Variants in SEC16B observed in about 807,000 individuals in gnomAD.
SEC16B encodes SEC16 homolog B, endoplasmic reticulum export factor.
In SEC16B, 115 loss-of-function variants were observed where a neutral mutation model predicts 141.8. The ratio of observed to expected loss-of-function variants is 0.81; its 90% CI spans 0.70 to 0.95. SEC16B has a LOEUF of 0.95. SEC16B is among the 40% of genes least tolerant of loss of function. The probability of loss-of-function intolerance (pLI) is 0.00; values close to 1 mark genes in which losing one functional copy is unlikely to be tolerated. For synonymous variants in SEC16B, 493 were observed against 492.5 expected (o/e 1.00, Z -0.01); for missense variants, 1,291 against 1,312.3 (o/e 0.98, Z 0.25).
At chr1:177,954,072 A>AT (rs1246769948) in intron 11 of SEC16B, among the ~76,000 whole-genome samples, 1 of 152,206 alleles carries the variant, frequency 6.6e-6, no homozygotes, top group African/African-American at 2.4e-5. Flanking sequence ...TTGTACTAAA[A>AT]TTTTTTATCC....
intron 1 of SEC16B, among the ~76,000 whole-genome samples, chr1:177,984,034 A>G (rs944652220): frequency 1.3e-5 from 2 of 152,154 alleles, no homozygotes; most frequent in African/African-American, 2.4e-5. Context: ...GAAGTTCTTC[A>G]TTTTGCTGAA....
At chr1:177,965,752 T>G in intron 3 of SEC16B, 141 bp downstream of exon 3, 1 of 574,792 alleles carries the variant, frequency 1.7e-6, no homozygotes, top group Non-Finnish European at 3.1e-6. Flanking sequence ...CTAGGAGGAG[T>G]GTTTCTGCTA....
In SEC16B at chr1:177,960,817, C is replaced by T; in HGVS notation, c.910G>A (p.Ala304Thr). ...GPSSPTDGQA[A>T]LVELHSMEVI... The stretch of plus-strand genomic sequence containing the variant: ...TCCATGCTGTGCAGTTCAACAAGGG[C>T]TGCTTGCCCGTCAGTGGGAGAGCTG... Residue 304 changes from alanine to threonine, a missense_variant, in exon 7 of 26, where the codon GCC (alanine) becomes ACC (threonine). This residue lies in a region of SEC16B where 681 missense variants were observed against 675.5 expected (regional missense o/e 1.01). Coordinates refer to ENST00000308284, the MANE Select transcript of SEC16B (RefSeq NM_033127.4). The T allele has an allele frequency of 5.0e-6, 8 of 1,613,138 alleles. No homozygotes were observed. Among genetic ancestry groups the T allele is most frequent in the Non-Finnish European group, 6.8e-6 (8 of 1,179,508 alleles).
At chr1:177,958,543 T>C (rs1430673841) in intron 9 of SEC16B, 181 bp from the exon 10 acceptor site, 1 of 603,952 alleles carries the variant, frequency 1.7e-6, no homozygotes, top group Non-Finnish European at 2.8e-6. Flanking sequence ...TCATGGTTAT[T>C]TTCTGCCTGT....
At chr1:177,971,496 G>A (rs1334541029), upstream of SEC16B, 3 of 152,182 alleles carry the variant, frequency 2.0e-5, no homozygotes, top group Admixed American at 2.0e-4. Flanking sequence ...ATTAACAGCA[G>A]GAATCAGAAT....
intron 10 of SEC16B, among the ~76,000 whole-genome samples, chr1:177,957,007 G>GT: frequency 6.6e-6 from 1 of 152,110 alleles, no homozygotes; most frequent in African/African-American, 2.4e-5. Flanking sequence ...TGTAAACATT[G>GT]TAAGTCATGG....
chr1:177,932,190 G>C (rs1244207577), intron 24 of SEC16B, among the ~76,000 whole-genome samples: 1 of 152,218 alleles, frequency 6.6e-6, no homozygotes, highest in Non-Finnish European at 1.5e-5. Flanking sequence ...TCAGAGGAAA[G>C]GCCATGTGAA....
intron 9 of SEC16B, 133 bp downstream of exon 9, chr1:177,958,707 A>G: frequency 8.4e-7 from 1 of 1,192,510 alleles, no homozygotes; most frequent in South Asian, 1.6e-5. Context: ...CATTTGAGCA[A>G]TTTTTTCCCT....
At chr1:177,941,497 C>A (rs1651268001) in intron 16 of SEC16B, among the ~76,000 whole-genome samples, 1 of 152,154 alleles carries the variant, frequency 6.6e-6, no homozygotes, top group Non-Finnish European at 1.5e-5. Flanking sequence ...TCACATGTGA[C>A]AAAATATTCC....
At chr1:177,980,784 A>T (rs1045085078) in intron 1 of SEC16B, among the ~76,000 whole-genome samples, 7 of 151,542 alleles carry the variant, frequency 4.6e-5, no homozygotes, top group African/African-American at 1.7e-4. Flanking sequence ...AGAAAGAAAG[A>T]AAAGAAAGAA....
chr1:177,977,428 T>A (rs1162967888), intron 1 of SEC16B, among the ~76,000 whole-genome samples: 4 of 152,288 alleles, frequency 2.6e-5, no homozygotes, highest in African/African-American at 9.6e-5. Context: ...TATTGCTGGA[T>A]AAAAAATATC....
At chr1:177,946,297 A>G (rs1334332223) in intron 14 of SEC16B, 123 bp downstream of exon 14, 2 of 783,390 alleles carry the variant, frequency 2.6e-6, no homozygotes, top group Admixed American at 2.0e-5. Context: ...ATCCCAAATA[A>G]GGGAGCCGGC....
upstream of SEC16B, chr1:177,970,084 A>G (rs755664804): frequency 6.6e-6 from 1 of 152,400 alleles, no homozygotes; most frequent in Non-Finnish European, 1.5e-5. Context: ...AGTACAGCCC[A>G]GATACCGCAG....
chr1:177,974,234 T>C (rs569789644), upstream of SEC16B, among the ~76,000 whole-genome samples: 1 of 151,916 alleles, frequency 6.6e-6, no homozygotes, highest in Non-Finnish European at 1.5e-5. Context: ...GACACAGAGG[T>C]GAGTATGGTC....
intron 12 of SEC16B, among the ~76,000 whole-genome samples, chr1:177,951,191 T>C (rs1004707248): frequency 2.0e-4 from 31 of 152,128 alleles, no homozygotes; most frequent in Non-Finnish European, 3.7e-4. Flanking sequence ...AAAACAAATA[T>C]TGAAGGATAT....
Position 177,958,981 on chromosome 1 carries a change from T to C in SEC16B, c.999-6A>G, listed in dbSNP as rs114352755. 1,128 of 1,611,384 alleles carry C rather than the reference T, an allele frequency of 7.0e-4. 4 individuals are homozygous for C. The African/African-American group carries it at 0.013, about 18-fold the overall frequency. Reference sequence around the variant, plus strand: ...CCACCTTATGTACATCTTCCCTACATGGAAAAAATTTAGGGAGCAAAGAGT... The same window carrying C: ...CCACCTTATGTACATCTTCCCTACACGGAAAAAATTTAGGGAGCAAAGAGT... On this transcript the variant is annotated splice_region_variant and splice_polypyrimidine_tract_variant and intron_variant, in intron 8 of 25. Transcript: ENST00000308284.
chr1:177,969,485 C>A (rs572939131), intron 1 of SEC16B, among the ~76,000 whole-genome samples: 14 of 152,332 alleles, frequency 9.2e-5, no homozygotes, highest in African/African-American at 3.4e-4. Context: ...GGGAAGGGCA[C>A]ATGAGCCTTT....
chr1:177,961,477 A>G, intron 6 of SEC16B, 113 bp downstream of exon 6: 3 of 1,191,364 alleles, frequency 2.5e-6, no homozygotes, highest in Non-Finnish European at 3.5e-6. Flanking sequence ...GGTGACCTAC[A>G]TAAGCAAATG....
chr1:177,941,874 T>C, intron 16 of SEC16B, 26 bp downstream of exon 16: 1 of 1,605,276 alleles, frequency 6.2e-7, no homozygotes, highest in Non-Finnish European at 8.5e-7. Flanking sequence ...ATAAAACAAC[T>C]GCACAGAACC....
Sources: gnomAD v4.1 joint callset for allele counts (sites outside exome capture counted in the v4.1 genomes callset) on GRCh38, gnomAD v4.1.1 for gene constraint, gnomAD v4.1.1 regional missense constraint, MANE v1.5 for transcripts, NCBI Gene and HGNC (gene_info 2026-07-23, HGNC 2026-07-21) for gene names.